The following CCNY variants were observed in gnomAD, a reference collection of about 807,000 sequenced individuals.
The protein encoded by CCNY is cyclin Y.
A neutral mutation model predicts 42.8 loss-of-function variants in CCNY; 19 were observed. The observed-to-expected ratio is 0.44, with a 90% CI of 0.31 to 0.65. CCNY has a LOEUF of 0.65. Among genes scored for constraint, CCNY ranks in the 30% least tolerant of loss-of-function variants. The pLI, the probability that CCNY is intolerant of heterozygous loss-of-function variation, is 0.07. For synonymous variants in CCNY, 165 were observed against 162.7 expected, an observed-to-expected ratio of 1.01 and a Z score of -0.11; for missense variants, 370 against 437.3, an observed-to-expected ratio of 0.85 and a Z score of 1.37.
At chr10:35,469,948 A>G (rs1239966221) in intron 1 of CCNY, among the ~76,000 whole-genome samples, 1 of 144,656 alleles carries the variant, frequency 6.9e-6, no homozygotes, top group African/African-American at 2.5e-5. Context: ...GGAGAGACAG[A>G]CAGGGAGATG....
At chr10:35,299,565 A>G (rs987606188) in intron 3 of CCNY, among the ~76,000 whole-genome samples, 2 of 152,216 alleles carry the variant, frequency 1.3e-5, no homozygotes, top group African/African-American at 4.8e-5. Flanking sequence ...GTGTTTTGCC[A>G]GAAATGGATA....
intron 1 of CCNY, among the ~76,000 whole-genome samples, chr10:35,482,798 GTGT>G (rs1355051520): frequency 7.5e-6 from 1 of 133,294 alleles, no homozygotes; most frequent in East Asian, 2.2e-4. Context: ...GTGTGTGTGT[GTGT>G]TATGTGTTTG....
chr10:35,306,361 C>T (rs1465552722), intron 3 of CCNY, among the ~76,000 whole-genome samples: 1 of 152,212 alleles, frequency 6.6e-6, no homozygotes, highest in Non-Finnish European at 1.5e-5. Context: ...TCATTCAGCA[C>T]AGCATGGAAG....
At chr10:35,481,469 T>G (rs1029159260) in intron 1 of CCNY, among the ~76,000 whole-genome samples, 4 of 152,234 alleles carry the variant, frequency 2.6e-5, no homozygotes, top group Non-Finnish European at 5.9e-5. Context: ...GATTGTGGTG[T>G]TCCATAAACC....
At chr10:35,517,432 C>T (rs79416970) in intron 4 of CCNY, among the ~76,000 whole-genome samples, 3 of 152,184 alleles carry the variant, frequency 2.0e-5, no homozygotes, top group Non-Finnish European at 2.9e-5. Context: ...TTTCAGAAAG[C>T]ACACATTTCA....
chr10:35,569,552 C>T lies in CCNY; in HGVS notation c.*382C>T, dbSNP rs112190701. The T allele has an allele frequency of 1.5e-4, 39 of 251,726 alleles. No homozygotes were observed. Among genetic ancestry groups the T allele is most frequent in the African/African-American group, 7.7e-4 (35 of 45,678 alleles). The allele number at this position is 251,726 out of a possible 1,614,324, so 15.6% of individuals were successfully genotyped here. ...GCAGCGGTGGATGCAGAGCTGGCTG[C>T]ACCCAGGGCTGGGCCAGTGTGTCCT... is the stretch of plus-strand genomic sequence containing the variant. On this transcript the variant is annotated 3_prime_UTR_variant, in exon 10 of 10. Transcript: ENST00000374704.
intron 3 of CCNY, among the ~76,000 whole-genome samples, chr10:35,504,731 G>A (rs1300540462): frequency 2.6e-5 from 4 of 152,068 alleles, no homozygotes. Context: ...CCCCAACCCG[G>A]GTTCAAACTA....
chr10:35,557,673 T>C (rs938576449), intron 8 of CCNY, among the ~76,000 whole-genome samples: 1 of 152,156 alleles, frequency 6.6e-6, no homozygotes, highest in Non-Finnish European at 1.5e-5. Context: ...GGAGAATCGC[T>C]TGAGCCCAGG....
intron 1 of CCNY, among the ~76,000 whole-genome samples, chr10:35,353,605 C>T (rs140125235): frequency 2.0e-5 from 3 of 152,292 alleles, no homozygotes; most frequent in Non-Finnish European, 4.4e-5. Context: ...TCCTCGGCTC[C>T]CCAAAGCTGG....
chr10:35,569,651 T>C lies in CCNY; in HGVS notation c.*481T>C, dbSNP rs1841647235. ...TTTGTTCATTTGTTTTTGCCCTGTT[T>C]TGATTTTGGTCCCACAGAGCAGGGG... On this transcript the variant is annotated 3_prime_UTR_variant, in exon 10 of 10. Transcript: ENST00000374704. 2 of 176,424 alleles carry C rather than the reference T, an allele frequency of 1.1e-5. No individual in the cohort carries two copies. The highest frequency in any genetic ancestry group is 5.5e-5 in the Admixed American group (1 of 18,196). 10.9% of individuals were successfully genotyped at this position (176,424 alleles called of 1,614,324 possible). A position where few individuals can be genotyped will look rare whatever the true frequency, so the allele number is the denominator to read the frequency against.
intron 1 of CCNY, among the ~76,000 whole-genome samples, chr10:35,461,258 G>A (rs1839151777): frequency 6.6e-6 from 1 of 152,204 alleles, no homozygotes; most frequent in Non-Finnish European, 1.5e-5. Flanking sequence ...TAGAGGGACT[G>A]CAGCAATGGG....
rs940567371 is a variant in CCNY at position 35,419,179 on chromosome 10, A to G, written c.155-64225A>G. Among the ~76,000 whole-genome samples the G allele has an allele frequency of 2.0e-5, 3 of 152,176 alleles. No homozygotes were observed. In the East Asian group the frequency reaches 5.8e-4, roughly 29 times the overall value. ...ATGCATGTGAAGTAGTTAGGATACT[A>G]TTTTGACATACTGTGGGTGCTCAAT... On this transcript the variant is annotated intron_variant, in intron 1 of 9. Coordinates refer to ENST00000374704, the MANE Select transcript of CCNY (RefSeq NM_145012.6).
intron 1 of CCNY, among the ~76,000 whole-genome samples, chr10:35,401,529 A>G (rs1229833521): frequency 6.7e-6 from 1 of 148,792 alleles, no homozygotes; most frequent in South Asian, 2.1e-4. Context: ...TTTTTTTCTT[A>G]GGAGGTACAA....
chr10:35,349,268 G>T (rs542262326), intron 1 of CCNY, among the ~76,000 whole-genome samples: 18 of 151,406 alleles, frequency 1.2e-4, no homozygotes, highest in African/African-American at 3.9e-4. Context: ...TGTGTGAGCA[G>T]TCTGCTAGGA....
At chr10:35,552,255 A>G (rs1476182584) in intron 7 of CCNY, among the ~76,000 whole-genome samples, 3 of 152,216 alleles carry the variant, frequency 2.0e-5, no homozygotes, top group African/African-American at 4.8e-5. Context: ...CGAAGTGATA[A>G]TAAGCCAGAC....
At chr10:35,529,699 C>T (rs1182881301) in intron 5 of CCNY, among the ~76,000 whole-genome samples, 1 of 132,746 alleles carries the variant, frequency 7.5e-6, no homozygotes, top group Non-Finnish European at 1.6e-5. Flanking sequence ...CTTGTCTCTA[C>T]TAAAAATACA....
chr10:35,494,963 A>G (rs967433942), intron 2 of CCNY, among the ~76,000 whole-genome samples: 1 of 152,232 alleles, frequency 6.6e-6, no homozygotes, highest in Non-Finnish European at 1.5e-5. Context: ...ATGCTCCAAG[A>G]TGGATCTGCA....
intron 1 of CCNY, among the ~76,000 whole-genome samples, chr10:35,473,515 T>G (rs981632717): frequency 2.0e-5 from 3 of 152,252 alleles, no homozygotes; most frequent in Admixed American, 6.5e-5. Context: ...GAGGCCCAGC[T>G]GTGTGAAGTT....
chr10:35,370,003 T>G (rs577176524), intron 1 of CCNY, among the ~76,000 whole-genome samples: 20 of 152,364 alleles, frequency 1.3e-4, no homozygotes, highest in Non-Finnish European at 2.6e-4. Flanking sequence ...CATTTTTTAG[T>G]AAGCCTTAAA....
Sources: gnomAD v4.1 joint callset for allele counts (sites outside exome capture counted in the v4.1 genomes callset) on GRCh38, gnomAD v4.1.1 for gene constraint, MANE v1.5 for transcripts, NCBI Gene and HGNC (gene_info 2026-07-23, HGNC 2026-07-21) for gene names.